The following OR6N1 variants were observed in gnomAD, a reference collection of about 807,000 sequenced individuals.
OR6N1 encodes the protein olfactory receptor family 6 subfamily N member 1, also known as olfactory receptor 6N1.
For synonymous variants in OR6N1, 170 were observed against 150.7 expected, an observed-to-expected ratio of 1.13 and a Z score of -0.94; for missense variants, 394 against 371.7, an observed-to-expected ratio of 1.06 and a Z score of -0.49.
the OR6N1 span, among the ~76,000 whole-genome samples, chr1:158,781,889 G>T: frequency 6.6e-6 from 1 of 152,164 alleles, no homozygotes; most frequent in Non-Finnish European, 1.5e-5. Flanking sequence ...CTGTGAAGTT[G>T]GTGTGATTGT....
At chr1:158,819,844 A>G in the OR6N1 span, among the ~76,000 whole-genome samples, 1 of 152,162 alleles carries the variant, frequency 6.6e-6, no homozygotes, top group Non-Finnish European at 1.5e-5. Context: ...TTTATAATAG[A>G]ACATACAGTC....
the OR6N1 span, among the ~76,000 whole-genome samples, chr1:158,802,088 G>T: frequency 2.0e-5 from 3 of 151,786 alleles, no homozygotes; most frequent in Admixed American, 2.0e-4. Flanking sequence ...AAGTAAAGCA[G>T]CCCTACTCTC....
chr1:158,767,027 T>C (rs1657293085), intron 1 of OR6N1, among the ~76,000 whole-genome samples: 1 of 152,244 alleles, frequency 6.6e-6, no homozygotes, highest in Non-Finnish European at 1.5e-5. Context: ...ATCCAAGGTA[T>C]ATATTAACAT....
At chr1:158,807,400 G>C in the OR6N1 span, among the ~76,000 whole-genome samples, 1 of 152,128 alleles carries the variant, frequency 6.6e-6, no homozygotes, top group Admixed American at 6.5e-5. Context: ...TCCAAGATCT[G>C]GTCCTATTTT....
At chr1:158,819,964 G>T in the OR6N1 span, among the ~76,000 whole-genome samples, 8 of 152,112 alleles carry the variant, frequency 5.3e-5, no homozygotes, top group Non-Finnish European at 1.0e-4. Flanking sequence ...GGAAATCAGG[G>T]GTCTCACAGC....
the OR6N1 span, among the ~76,000 whole-genome samples, chr1:158,799,099 G>T: frequency 1.3e-5 from 2 of 152,110 alleles, no homozygotes; most frequent in African/African-American, 4.8e-5. Flanking sequence ...TAATTTAGTT[G>T]ATCTGAAATA....
chr1:158,827,300 A>T, the OR6N1 span, among the ~76,000 whole-genome samples: 2 of 152,050 alleles, frequency 1.3e-5, no homozygotes, highest in Non-Finnish European at 2.9e-5. Flanking sequence ...AGCAAAGAAA[A>T]TTTTTTTTAG....
At chr1:158,827,036 C>G in the OR6N1 span, among the ~76,000 whole-genome samples, 2 of 152,122 alleles carry the variant, frequency 1.3e-5, no homozygotes, top group Non-Finnish European at 2.9e-5. Context: ...GATCAATGAG[C>G]TAGTTAGAAT....
At chr1:158,770,309 CA>C (rs1411891832) in intron 1 of OR6N1, among the ~76,000 whole-genome samples, 2 of 152,170 alleles carry the variant, frequency 1.3e-5, no homozygotes, top group Non-Finnish European at 2.9e-5. Flanking sequence ...CCTAAGCAAT[CA>C]AAGTCATCAG....
intron 1 of OR6N1, 148 bp downstream of exon 1, chr1:158,771,873 T>C (rs1657432846): frequency 6.6e-6 from 1 of 152,376 alleles, no homozygotes; most frequent in East Asian, 1.9e-4. Flanking sequence ...AATATCTGTT[T>C]TTAAAAATAG....
chr1:158,786,431 G>A, the OR6N1 span, among the ~76,000 whole-genome samples: 1 of 152,194 alleles, frequency 6.6e-6, no homozygotes, highest in Admixed American at 6.5e-5. Flanking sequence ...ATAAAAAACA[G>A]TAGGGAGATT....
At chr1:158,779,475 T>C in the OR6N1 span, among the ~76,000 whole-genome samples, 3 of 152,210 alleles carry the variant, frequency 2.0e-5, no homozygotes, top group African/African-American at 4.8e-5. Context: ...ACCAATACTT[T>C]CCTTGCAACT....
chr1:158,838,482 T>C, the OR6N1 span, among the ~76,000 whole-genome samples: 1 of 152,062 alleles, frequency 6.6e-6, no homozygotes, highest in Non-Finnish European at 1.5e-5. Flanking sequence ...ATATAATGAG[T>C]TGCCTTTTTC....
the OR6N1 span, among the ~76,000 whole-genome samples, chr1:158,812,899 G>A: frequency 6.6e-6 from 1 of 152,014 alleles, no homozygotes; most frequent in Admixed American, 6.6e-5. Context: ...CCTCATACTA[G>A]GGAAAATATG....
At chr1:158,799,311 A>G in the OR6N1 span, among the ~76,000 whole-genome samples, 1 of 152,208 alleles carries the variant, frequency 6.6e-6, no homozygotes, top group East Asian at 1.9e-4. Context: ...AGACCTTAAT[A>G]AACATAGACA....
chr1:158,785,730 A>G, the OR6N1 span, among the ~76,000 whole-genome samples: 1 of 152,208 alleles, frequency 6.6e-6, no homozygotes, highest in Non-Finnish European at 1.5e-5. Flanking sequence ...GAAAACTAAC[A>G]TAAAAATAAT....
chr1:158,790,849 G>T, the OR6N1 span, among the ~76,000 whole-genome samples: 1 of 152,132 alleles, frequency 6.6e-6, no homozygotes, highest in African/African-American at 2.4e-5. Flanking sequence ...ATTTTCACAT[G>T]TTAAGGGTGG....
At chr1:158,791,469 A>ATTTT in the OR6N1 span, among the ~76,000 whole-genome samples, 3 of 127,372 alleles carry the variant, frequency 2.4e-5, no homozygotes, top group African/African-American at 8.9e-5. Context: ...TATGATTTTG[A>ATTTT]TTTTTTTTTT....
the OR6N1 span, among the ~76,000 whole-genome samples, chr1:158,802,862 A>G: frequency 6.6e-6 from 1 of 151,952 alleles, no homozygotes; most frequent in Non-Finnish European, 1.5e-5. Flanking sequence ...TATTACTTTT[A>G]CTTATATCCA....
Sources: allele counts gnomAD v4.1 joint callset (sites outside exome capture counted in the v4.1 genomes callset), GRCh38; gene constraint gnomAD v4.1.1; transcripts MANE v1.5; gene names NCBI Gene and HGNC (gene_info 2026-07-23, HGNC 2026-07-21).